The following BSG variants were observed in gnomAD, a reference collection of about 807,000 sequenced individuals.
BSG encodes the protein basigin (Ok blood group).
Under a neutral mutation model 43.1 loss-of-function variants are expected in BSG, and 37 were observed. The observed-to-expected ratio is 0.86, with a 90% confidence interval of 0.66 to 1.13. The LOEUF (loss-of-function observed/expected upper bound fraction) is 1.13. Among genes scored for constraint, BSG ranks in the 50% most tolerant of loss-of-function variants. The pLI, the probability that BSG is intolerant of heterozygous loss-of-function variation, is 0.00. For synonymous variants in BSG, 309 were observed against 238.7 expected (o/e 1.29, Z -2.72); for missense variants, 599 against 554.2 (o/e 1.08, Z -0.81).
chr19:578,054 C>T lies in BSG; in HGVS notation c.348C>T (p.Arg116=). 1.2e-6 allele frequency: 2 copies of T among 1,610,956 alleles called. No homozygotes were observed. The highest frequency in any genetic ancestry group is 1.7e-6 in the Non-Finnish European group (2 of 1,179,070). The change falls in exon 2 of 9, where the codon CGC becomes CGT. Residue 116 remains arginine, a synonymous_variant. Coordinates refer to ENST00000333511, the MANE Select transcript of BSG (RefSeq NM_001728.4). ...YECRASNDPD[R]NHLTRAPRVK... Reference sequence around the variant, plus strand: ...GCCGGGCCAGCAACGACCCGGATCGCAACCACCTGACCCGGGCGCCCAGGG... The same window carrying T: ...GCCGGGCCAGCAACGACCCGGATCGTAACCACCTGACCCGGGCGCCCAGGG...
rs1372990640 is a variant in BSG, at chr19:581,576, G to A, written c.1054G>A (p.Glu352Lys). ...CATCTACGAGAAGCGCCGGAAGCCC[G>A]AGGACGTCCTGGATGGTGAGCCGTC... is the stretch of plus-strand genomic sequence containing the variant. ...IFIYEKRRKP[E>K]DVLDDDDAGS... The change falls in exon 6 of 9, where the codon GAG (glutamate) becomes AAG (lysine). Residue 352 changes from glutamate to lysine, a missense_variant. Physicochemically the swap from Glu to Lys is moderately conservative, Grantham distance 56 (BLOSUM62 1). Coordinates refer to ENST00000333511, the MANE Select transcript of BSG (RefSeq NM_001728.4). 9 of 1,594,718 alleles carry A rather than the reference G, an allele frequency of 5.6e-6. No homozygotes were observed. Among genetic ancestry groups the A allele is most frequent in the East Asian group, 2.3e-5 (1 of 43,976 alleles).
At chr19:582,695 C>T (rs1435769398) in intron 8 of BSG, 55 bp from the exon 9 acceptor site, 80 of 1,180,142 alleles carry the variant, frequency 6.8e-5, no homozygotes, top group East Asian at 1.8e-4. Flanking sequence ...TCCTGGGTCC[C>T]GCCTGTGGGT....
chr19:571,850 T>A (rs976686943), upstream of BSG: 65 of 503,686 alleles, frequency 1.3e-4, no homozygotes, highest in South Asian at 3.0e-4. Flanking sequence ...AAAACTTTTT[T>A]AAAATAGGGT....
At chr19:580,975 GGGCCTAGA>G (rs2145901374) in intron 5 of BSG, among the ~76,000 whole-genome samples, 193 bp downstream of exon 5, 3 of 109,198 alleles carry the variant, frequency 2.7e-5, no homozygotes, top group African/African-American at 7.7e-5. Flanking sequence ...ACTGGGTGAG[GGGCCTAGA>G]CTGGGGGTCC....
intron 1 of BSG, among the ~76,000 whole-genome samples, chr19:574,170 G>T (rs1322086386): frequency 2.0e-5 from 3 of 151,732 alleles, no homozygotes; most frequent in African/African-American, 7.3e-5. Flanking sequence ...CAAGAGAATC[G>T]CTTGAACCTG....
intron 3 of BSG, 116 bp from the exon 4 acceptor site, chr19:580,263 T>TCAAAA: frequency 1.1e-6 from 1 of 905,982 alleles, no homozygotes; most frequent in Admixed American, 2.2e-5. Context: ...GGTTCAGACT[T>TCAAAA]GACTGGGACA....
chr19:578,024 C>A lies in BSG; in HGVS notation c.318C>A (p.Tyr106Ter), dbSNP rs748723048. The change falls in exon 2 of 9, where the codon TAC becomes TAA. Residue 106 changes from tyrosine to a stop codon, truncating the protein, a stop_gained. Transcript: ENST00000333511. LOFTEE classifies it high-confidence loss of function. ...TCGTGGAGGAGGACACGGGCACTTA[C>A]GAGTGCCGGGCCAGCAACGACCCGG... ...DTLVEEDTGT[Y>*]ECRASNDPDR... 5 of 1,611,814 alleles carry A rather than the reference C, an allele frequency of 3.1e-6. No homozygotes were observed. Among genetic ancestry groups the A allele is most frequent in the South Asian group, 1.1e-5 (1 of 90,932 alleles).
intron 2 of BSG, chr19:578,988 C>T (rs1322033219): frequency 2.2e-6 from 1 of 453,102 alleles, no homozygotes; most frequent in East Asian, 6.9e-5. Context: ...CCTTGGCCTC[C>T]CAAAGTGCTG....
Position 577,856 on chromosome 19 carries a change from G to T in BSG, c.150G>T (p.Pro50=). 2 of 1,545,132 alleles carry T rather than the reference G, an allele frequency of 1.3e-6. No individual in the cohort carries two copies. Among genetic ancestry groups the T allele is most frequent in the East Asian group, 2.4e-5 (1 of 42,516 alleles). The change falls in exon 2 of 9, where the codon CCG becomes CCT. Residue 50 remains proline, a synonymous_variant. Transcript: ENST00000333511. ...TGCACTGCGAGGCCGTGGGCAGCCC[G>T]GTGCCCGAGATCCAGTGGTGGTTTG... is the stretch of plus-strand genomic sequence containing the variant. ...VELHCEAVGS[P]VPEIQWWFEG...
chr19:573,138 A>G (rs1981432928), intron 1 of BSG, among the ~76,000 whole-genome samples: 2 of 152,156 alleles, frequency 1.3e-5, no homozygotes, highest in Non-Finnish European at 1.5e-5. Context: ...CCCATCGGCC[A>G]GGAGAAGGGA....
chr19:580,350 C>T lies in BSG; in HGVS notation c.573-29C>T, dbSNP rs369795007. ...TTGGAGGCGTCCTGCAGAGCTGGTA[C>T]GCGGCTCACCTGCCTGCTGTGGTTG... is the stretch of plus-strand genomic sequence containing the variant. On this transcript the variant is annotated intron_variant, in intron 3 of 8. Transcript: ENST00000333511. 31 of 1,602,894 alleles carry T rather than the reference C, an allele frequency of 1.9e-5. No homozygotes were observed. The East Asian group carries it at 2.5e-4, about 13-fold the overall frequency.
chr19:578,621 G>A (rs568364520), intron 2 of BSG, among the ~76,000 whole-genome samples: 5 of 152,352 alleles, frequency 3.3e-5, no homozygotes, highest in South Asian at 2.1e-4. Context: ...CAGAAGAACC[G>A]GGGTGCTCCC....
intron 3 of BSG, chr19:579,873 C>G: frequency 1.5e-6 from 1 of 672,886 alleles, no homozygotes; most frequent in Non-Finnish European, 2.4e-6. Context: ...TGGCAGGAGT[C>G]CCCATTGCTT....
rs1446813887 is a variant in BSG, at chr19:579,588, G to C, written c.504G>C (p.Gly168=). 1.2e-6 allele frequency: 2 copies of C among 1,612,716 alleles called. No homozygotes were observed. Among genetic ancestry groups the C allele is most frequent in the Non-Finnish European group, 8.5e-7 (1 of 1,179,920 alleles). Reference sequence around the variant, plus strand: ...ATGACAGCGCCACAGAGGTCACAGGGCACCGCTGGCTGAAGGGGGGCGTGG... The same window carrying C: ...ATGACAGCGCCACAGAGGTCACAGGCCACCGCTGGCTGAAGGGGGGCGTGG... ...SLNDSATEVT[G]HRWLKGGVVL... The change falls in exon 3 of 9, where the codon GGG becomes GGC. Residue 168 remains glycine, a synonymous_variant. Coordinates refer to ENST00000333511, the MANE Select transcript of BSG (RefSeq NM_001728.4).
chr19:577,992 G>C lies in BSG; in HGVS notation c.286G>C (p.Asp96His). Residue 96 changes from aspartate to histidine, a missense_variant, in exon 2 of 9, where the codon GAC becomes CAC. Physicochemically the swap from Asp to His is moderately conservative, Grantham distance 81. Coordinates refer to ENST00000333511, the MANE Select transcript of BSG (RefSeq NM_001728.4). ...GCACGCGGCCAGCACCATCTCCATC[G>C]ACACGCTCGTGGAGGAGGACACGGG... ...HQHAASTISI[D>H]TLVEEDTGTY... The C allele has an allele frequency of 6.2e-7, 1 of 1,612,102 alleles. No individual in the cohort carries two copies. Among genetic ancestry groups the C allele is most frequent in the East Asian group, 2.2e-5 (1 of 44,850 alleles).
chr19:571,678 C>A, upstream of BSG: 1 of 746,738 alleles, frequency 1.3e-6, no homozygotes, highest in Non-Finnish European at 2.5e-6. Context: ...TAGAAAATTT[C>A]TCAGCGAGAC....
intron 1 of BSG, chr19:575,182 A>AGCCGTGTGTGC (rs1269652927): frequency 6.6e-6 from 1 of 152,376 alleles, no homozygotes; most frequent in Admixed American, 6.5e-5. Context: ...GCAGCGGTGT[A>AGCCGTGTGTGC]GCCGTGTGTG....
chr19:580,426 C>A lies in BSG; in HGVS notation c.620C>A (p.Pro207His). ...GGAGAGTACTCCTGCGTCTTCCTCC[C>A]CGAGCCCATGGGCACGGCCAACATC... The part of the protein sequence containing the change: ...QWGEYSCVFL[P>H]EPMGTANIQL... Residue 207 changes from proline to histidine, a missense_variant, in exon 4 of 9, where the codon CCC becomes CAC. Coordinates refer to ENST00000333511, the MANE Select transcript of BSG (RefSeq NM_001728.4). 6.2e-7 allele frequency: 1 copy of A among 1,611,272 alleles called. No individual in the cohort carries two copies. Among genetic ancestry groups the A allele is most frequent in the Non-Finnish European group, 8.5e-7 (1 of 1,179,926 alleles).
upstream of BSG, chr19:571,767 G>A (rs1181868805): frequency 1.6e-6 from 1 of 631,670 alleles, no homozygotes; most frequent in Non-Finnish European, 2.9e-6. Flanking sequence ...GGGAGCTTCT[G>A]TTCCTCTGTC....
Sources: allele counts gnomAD v4.1 joint callset (sites outside exome capture counted in the v4.1 genomes callset), GRCh38; gene constraint gnomAD v4.1.1; transcripts MANE v1.5; gene names NCBI Gene and HGNC (gene_info 2026-07-23, HGNC 2026-07-21).